Variants in CCNL2 observed in about 807,000 individuals in gnomAD.
The protein encoded by CCNL2 is cyclin-L2.
A neutral mutation model predicts 59.1 loss-of-function variants in CCNL2; 28 were observed. That is an observed-to-expected ratio of 0.47 (90% CI 0.35 to 0.65). CCNL2 has a LOEUF of 0.65. CCNL2 is among the 30% of genes least tolerant of loss of function. The pLI is 0.00. For synonymous variants in CCNL2, 342 were observed against 288.6 expected, an observed-to-expected ratio of 1.19 and a Z score of -1.88; for missense variants, 714 against 717.4, an observed-to-expected ratio of 1.00 and a Z score of 0.05.
At position 1,390,562 on chromosome 1, in the gene CCNL2, A is replaced by C; in HGVS notation, c.761T>G (p.Ile254Ser). The C allele has an allele frequency of 6.2e-7, 1 of 1,609,394 alleles. No individual in the cohort carries two copies. Among genetic ancestry groups the C allele is most frequent in the South Asian group, 1.1e-5 (1 of 90,606 alleles). ...CCAATGGGGACGATTGGGCAAAGGG[A>C]TCTGTAAAAACAAACACTATCATCA... ...CIYLAARTLE[I>S]PLPNRPHWFL... Residue 254 changes from isoleucine (I) to serine (S), a missense_variant and splice_region_variant, in exon 7 of 11, where the codon ATC becomes AGC. This residue lies in a region of CCNL2 where 403 missense variants were observed against 377.7 expected (regional missense o/e 1.07). Coordinates refer to ENST00000400809, the MANE Select transcript of CCNL2 (RefSeq NM_030937.6).
Position 1,387,509 on chromosome 1 carries a change from G to T in CCNL2, c.1285C>A (p.Pro429Thr), listed in dbSNP as rs1228434606. 6.3e-7 allele frequency: 1 copy of T among 1,578,062 alleles called. No individual in the cohort carries two copies. Among genetic ancestry groups the T allele is most frequent in the Non-Finnish European group, 8.6e-7 (1 of 1,163,678 alleles). ...GGAGCGCTGCGGGGGGCCTGTCTCGGTGGGGAGTCACTCCTGCTCCGGGAG... is the reference window on the plus strand; with the variant it reads ...GGAGCGCTGCGGGGGGCCTGTCTCGTTGGGGAGTCACTCCTGCTCCGGGAG... The part of the protein sequence containing the change: ...SRSRSRSDSP[P>T]RQAPRSAPYK... Residue 429 changes from proline to threonine, a missense_variant, in exon 11 of 11, where the codon CCG (proline) becomes ACG (threonine). Coordinates refer to ENST00000400809, the MANE Select transcript of CCNL2 (RefSeq NM_030937.6).
chr1:1,394,581 C>A (rs1644913775), intron 4 of CCNL2, among the ~76,000 whole-genome samples: 1 of 151,858 alleles, frequency 6.6e-6, no homozygotes, highest in Non-Finnish European at 1.5e-5. Flanking sequence ...GAAACCCCAT[C>A]TCTACTAAAG....
chr1:1,387,543 C>A lies in CCNL2; in HGVS notation c.1251G>T (p.Ser417=), dbSNP rs1013213928. The change falls in exon 11 of 11, where the codon TCG becomes TCT. Residue 417 remains serine, a synonymous_variant. Transcript: ENST00000400809. ...DSGSTSGGSK[S]QSRSRSRSDS... is the part of the protein sequence containing the mutation. ...CACTCCTGCTCCGGGAGCGGCTCTG[C>A]GACTTGGACCCACCAGATGTGGAGC... 2 of 1,528,670 alleles carry A rather than the reference C, an allele frequency of 1.3e-6. No individual in the cohort carries two copies. Among genetic ancestry groups the A allele is most frequent in the Non-Finnish European group, 8.8e-7 (1 of 1,140,728 alleles). The allele number at this position is 1,528,670 out of a possible 1,614,324, so 94.7% of individuals were successfully genotyped here.
At chr1:1,398,713 CA>C in intron 1 of CCNL2, 42 bp from the exon 2 acceptor site, 1 of 1,575,414 alleles carries the variant, frequency 6.3e-7, no homozygotes. Context: ...ACGCACCATT[CA>C]AAGCCTTCGC....
chr1:1,391,443 G>T (rs777512338), intron 5 of CCNL2: 45 of 1,231,666 alleles, frequency 3.7e-5, no homozygotes, highest in Non-Finnish European at 4.7e-5. Context: ...AGTCCACTTG[G>T]AAGAGGGAAA....
chr1:1,394,561 C>T (rs1411402403), intron 4 of CCNL2, among the ~76,000 whole-genome samples: 1 of 151,564 alleles, frequency 6.6e-6, no homozygotes, highest in Non-Finnish European at 1.5e-5. Context: ...ACCAGCCCGG[C>T]CAACATGACG....
Position 1,398,304 on chromosome 1 carries a change from T to G in CCNL2, c.402A>C (p.Ile134=). 1.2e-6 allele frequency: 2 copies of G among 1,614,212 alleles called. No individual in the cohort carries two copies. Among genetic ancestry groups the G allele is most frequent in the Admixed American group, 3.3e-5 (2 of 60,034 alleles). Residue 134 remains isoleucine (I), a synonymous_variant, in exon 3 of 11, where the codon ATA becomes ATC. Coordinates refer to ENST00000400809, the MANE Select transcript of CCNL2 (RefSeq NM_030937.6). The part of the protein sequence containing the change: ...SMACVHLASK[I]EEAPRRIRDV... Reference sequence around the variant, plus strand: ...CCCGTATGCGTCTTGGGGCCTCTTCTATCTTGGAAGCCAGGTGGACACAGG... The same window carrying G: ...CCCGTATGCGTCTTGGGGCCTCTTCGATCTTGGAAGCCAGGTGGACACAGG...
intron 8 of CCNL2, 26 bp from the exon 9 acceptor site, chr1:1,388,091 G>C: frequency 1.3e-6 from 2 of 1,574,156 alleles, no homozygotes; most frequent in Non-Finnish European, 1.7e-6. Context: ...GAGGTTAAAA[G>C]CCAACCACAA....
At position 1,398,658 on chromosome 1, in the gene CCNL2, G is replaced by C; in HGVS notation, c.302C>G (p.Thr101Ser). Reference sequence around the variant, plus strand: ...GAACCGCTGGAACAACACCTGCCCGGTAGCCATGGCCACCTAGAGTAGAAG... The same window carrying C: ...GAACCGCTGGAACAACACCTGCCCGCTAGCCATGGCCACCTAGAGTAGAAG... Reference protein sequence around the residue: ...LLRLPQVAMATGQVLFQRFFY... With the variant: ...LLRLPQVAMASGQVLFQRFFY... The change falls in exon 2 of 11, where the codon ACC becomes AGC. Residue 101 changes from threonine to serine, a missense_variant. Coordinates refer to ENST00000400809, the MANE Select transcript of CCNL2 (RefSeq NM_030937.6). 1 of 1,613,660 alleles carries C rather than the reference G, an allele frequency of 6.2e-7. No homozygotes were observed. The highest frequency in any genetic ancestry group is 8.5e-7 in the Non-Finnish European group (1 of 1,179,914).
At position 1,387,880 on chromosome 1, in the gene CCNL2, G is replaced by T. The variant is rs980715854; in HGVS notation, c.1119-11C>A. On this transcript the variant is annotated splice_polypyrimidine_tract_variant and intron_variant, in intron 9 of 10. Coordinates refer to ENST00000400809, the MANE Select transcript of CCNL2 (RefSeq NM_030937.6). ...CGCCCCTTTGGCAAGCTGTGAACAGGACAGGAGCCAGTTACAAAGCAGAAG... is the reference window on the plus strand; with the variant it reads ...CGCCCCTTTGGCAAGCTGTGAACAGTACAGGAGCCAGTTACAAAGCAGAAG... The T allele has an allele frequency of 8.7e-6, 14 of 1,613,710 alleles. No individual in the cohort carries two copies. The highest frequency in any genetic ancestry group is 1.2e-5 in the Non-Finnish European group (14 of 1,179,996).
chr1:1,398,799 G>T, intron 1 of CCNL2, 128 bp from the exon 2 acceptor site: 1 of 1,233,608 alleles, frequency 8.1e-7, no homozygotes, highest in Non-Finnish European at 1.1e-6. Flanking sequence ...GTCCACAAAG[G>T]CTCTTCGCGT....
At position 1,399,192 on chromosome 1, in the gene CCNL2, C is replaced by A; in HGVS notation, c.115G>T (p.Asp39Tyr). The A allele has an allele frequency of 6.2e-7, 1 of 1,609,446 alleles. No individual in the cohort carries two copies. Among genetic ancestry groups the A allele is most frequent in the Non-Finnish European group, 8.5e-7 (1 of 1,178,566 alleles). ...ATGAGCACCCCGGAGTACAGCCTGT[C>A]CCCGATCAGCACCCCCTGCGACCCT... The part of the protein sequence containing the change: ...PSGSQGVLIG[D>Y]RLYSGVLITL... Residue 39 changes from aspartate (D) to tyrosine (Y), a missense_variant, in exon 1 of 11, where the codon GAC (aspartate) becomes TAC (tyrosine). Coordinates refer to ENST00000400809, the MANE Select transcript of CCNL2 (RefSeq NM_030937.6).
rs886319349 is a variant in CCNL2, at chr1:1,399,279, C to A, written c.28G>T (p.Ala10Ser). 9.4e-6 allele frequency: 14 copies of A among 1,484,298 alleles called. No homozygotes were observed. The highest frequency in any genetic ancestry group is 1.1e-5 in the Non-Finnish European group (12 of 1,125,438). 91.9% of individuals were successfully genotyped at this position (1,484,298 alleles called of 1,614,324 possible). A position where few individuals can be genotyped will look rare whatever the true frequency, so the allele number is the denominator to read the frequency against. ...GCCGCGGGAGCTGCCGACCCTGCAG[C>A]ACCAGCCGCCGCCGCCGCCGCCGCC... MAAAAAAAGAAGSAAPAAAA... is the reference protein window; with the variant it reads MAAAAAAAGSAGSAAPAAAA... The change falls in exon 1 of 11, where the codon GCT becomes TCT. Residue 10 changes from alanine to serine, a missense_variant. Physicochemically the swap from Ala to Ser is moderately conservative, Grantham distance 99. Around this residue, in one of 5 missense-constraint regions of CCNL2, gnomAD observed 270 missense variants for 254.9 expected, o/e 1.06. Coordinates refer to ENST00000400809, the MANE Select transcript of CCNL2 (RefSeq NM_030937.6).
intron 9 of CCNL2, 24 bp from the exon 10 acceptor site, chr1:1,387,893 T>C: frequency 1.2e-6 from 2 of 1,613,844 alleles, no homozygotes; most frequent in Non-Finnish European, 1.7e-6. Context: ...AGGAGCCAGT[T>C]ACAAAGCAGA....
At chr1:1,390,708 T>A in intron 6 of CCNL2, 58 bp downstream of exon 6, 2 of 1,544,812 alleles carry the variant, frequency 1.3e-6, no homozygotes, top group Non-Finnish European at 1.8e-6. Context: ...TAAAGTTTAC[T>A]GGAGGCTGGA....
In CCNL2 at chr1:1,387,141, G is replaced by A; in HGVS notation, c.*90C>T. On this transcript the variant is annotated 3_prime_UTR_variant, in exon 11 of 11. Transcript: ENST00000400809. Reference sequence around the variant, plus strand: ...CCACTTGCGCTGAGAGCACACCCGGGGGTCAAAGGGCAGCCACCGGGGGTC... The same window carrying A: ...CCACTTGCGCTGAGAGCACACCCGGAGGTCAAAGGGCAGCCACCGGGGGTC... 4.0e-6 allele frequency: 4 copies of A among 1,008,880 alleles called. No individual in the cohort carries two copies. The highest frequency in any genetic ancestry group is 5.9e-6 in the Non-Finnish European group (4 of 675,492). The allele number at this position is 1,008,880 out of a possible 1,614,324, so 62.5% of individuals were successfully genotyped here.
At chr1:1,388,435 C>T (rs748605599) in intron 8 of CCNL2, 7 of 436,550 alleles carry the variant, frequency 1.6e-5, no homozygotes, top group East Asian at 7.0e-5. Flanking sequence ...GCAGAAGAAT[C>T]GCTTGGACCC....
At position 1,390,168 on chromosome 1, in the gene CCNL2, G is replaced by T. The variant is rs1002225955; in HGVS notation, c.1006+62C>A. The T allele has an allele frequency of 8.1e-6, 12 of 1,480,980 alleles. No individual in the cohort carries two copies. The East Asian group carries it at 1.1e-4, about 14-fold the overall frequency. The allele number at this position is 1,480,980 out of a possible 1,614,324, so 91.7% of individuals were successfully genotyped here. ...GGAGCACATACCCCAGAATGGAGGC[G>T]GGGGAGAGTCACCAGTCTTTGCCTT... On this transcript the variant is annotated intron_variant, in intron 8 of 10. Coordinates refer to ENST00000400809, the MANE Select transcript of CCNL2 (RefSeq NM_030937.6).
chr1:1,396,152 C>G (rs1645007100), intron 3 of CCNL2, among the ~76,000 whole-genome samples: 2 of 142,202 alleles, frequency 1.4e-5, no homozygotes, highest in African/African-American at 5.3e-5. Context: ...GCACTCCAGC[C>G]TGGGTGACAC....
Sources: allele counts gnomAD v4.1 joint callset (sites outside exome capture counted in the v4.1 genomes callset), GRCh38; gene constraint gnomAD v4.1.1; regional missense constraint gnomAD v4.1.1; transcripts MANE v1.5; gene names NCBI Gene and HGNC (gene_info 2026-07-23, HGNC 2026-07-21).